Variants in R3HDM4 observed in about 807,000 individuals in gnomAD.
R3HDM4 encodes the protein R3H domain containing 4.
In R3HDM4, 30 loss-of-function variants were observed where a neutral mutation model predicts 31.3. That is an observed-to-expected ratio of 0.96 (90% CI 0.72 to 1.30). The LOEUF is 1.30. Ranked by LOEUF, R3HDM4 falls within the 50% of genes most tolerant of loss-of-function variation. The pLI is 0.00. For synonymous variants in R3HDM4, 196 were observed against 156.6 expected, an observed-to-expected ratio of 1.25 and a Z score of -1.88; for missense variants, 444 against 366.1, an observed-to-expected ratio of 1.21 and a Z score of -1.74.
chr19:909,086 T>C (rs1168060333), intron 1 of R3HDM4, among the ~76,000 whole-genome samples: 2 of 152,240 alleles, frequency 1.3e-5, no homozygotes, highest in African/African-American at 4.8e-5. Flanking sequence ...TGAGGCTTCC[T>C]GGACCCTGAA....
At chr19:908,410 C>G (rs1402751340) in intron 1 of R3HDM4, among the ~76,000 whole-genome samples, 1 of 151,762 alleles carries the variant, frequency 6.6e-6, no homozygotes, top group Non-Finnish European at 1.5e-5. Flanking sequence ...AGTTCGAGAC[C>G]AGCCTGGCCA....
intron 4 of R3HDM4, among the ~76,000 whole-genome samples, chr19:900,584 T>C (rs2036816292): frequency 9.3e-6 from 1 of 107,050 alleles, no homozygotes; most frequent in Admixed American, 9.8e-5. Flanking sequence ...ACACACTAGG[T>C]CCAACCCACT....
At position 907,779 on chromosome 19, in the gene R3HDM4, G is replaced by T. The variant is rs776528038; in HGVS notation, c.71+5308C>A. Among the ~76,000 whole-genome samples the T allele has an allele frequency of 6.6e-6, 1 of 152,114 alleles. No homozygotes were observed. The highest frequency in any genetic ancestry group is 1.5e-5 in the Non-Finnish European group (1 of 68,024). ...CCCCCTTGGCCTAGCACTGCAACAC[G>T]AGGGCTTTCGCCTGTTTTGTTTGGT... On this transcript the variant is annotated intron_variant, in intron 1 of 7. Transcript: ENST00000361574. The surrounding 1 kb of genome is among the most constrained non-coding windows in gnomAD (Gnocchi z 4.1).
intron 5 of R3HDM4, 59 bp downstream of exon 5, chr19:900,002 C>A: frequency 6.6e-7 from 1 of 1,518,568 alleles, no homozygotes; most frequent in Non-Finnish European, 9.1e-7. Flanking sequence ...GCCTGGGAAA[C>A]GGGCCTTCAA....
At position 901,137 on chromosome 19, in the gene R3HDM4, G is replaced by A. The variant is rs968534983; in HGVS notation, c.352-185C>T. On this transcript the variant is annotated intron_variant, in intron 3 of 7. Transcript: ENST00000361574. The stretch of plus-strand genomic sequence containing the variant: ...GCGCAGGGAAGCGGGGAACCGGGGT[G>A]GGCCCAGCTGTCTCGGGGTGGGGGG... 6 of 782,434 alleles carry A rather than the reference G, an allele frequency of 7.7e-6. No individual in the cohort carries two copies. The African/African-American group carries it at 1.1e-4, about 14-fold the overall frequency. The allele number at this position is 782,434 out of a possible 1,614,324, so 48.5% of individuals were successfully genotyped here. A position where few individuals can be genotyped will look rare whatever the true frequency, so the allele number is the denominator to read the frequency against.
chr19:899,364 C>T lies in R3HDM4; in HGVS notation c.703+76G>A. The T allele has an allele frequency of 1.4e-6, 2 of 1,477,664 alleles. No individual in the cohort carries two copies. The highest frequency in any genetic ancestry group is 1.7e-5 in the Admixed American group (1 of 59,370). 91.5% of individuals were successfully genotyped at this position (1,477,664 alleles called of 1,614,324 possible). ...CCCCACCAAGCCCCACTCTGAGGAA[C>T]CAGGCCCCTGGGACCCTGGCCACTT... is the stretch of plus-strand genomic sequence containing the variant. On this transcript the variant is annotated intron_variant, in intron 7 of 7. Coordinates refer to ENST00000361574, the MANE Select transcript of R3HDM4 (RefSeq NM_138774.4). The surrounding 1 kb of genome is among the most constrained non-coding windows in gnomAD (Gnocchi z 6.8).
At chr19:900,034 A>G (rs2145283669) in intron 5 of R3HDM4, 27 bp downstream of exon 5, 2 of 1,606,884 alleles carry the variant, frequency 1.2e-6, no homozygotes, top group Non-Finnish European at 1.7e-6. Context: ...CAGGTAGAAA[A>G]GGGAGGCCCG....
At chr19:901,720 G>T in intron 2 of R3HDM4, 174 bp from the exon 3 acceptor site, 1 of 949,100 alleles carries the variant, frequency 1.1e-6, no homozygotes, top group Non-Finnish European at 1.5e-6. Flanking sequence ...GTTCTGGATT[G>T]TCGAACTCCT....
In R3HDM4 at chr19:901,967, C is replaced by G. The variant is rs750809896; in HGVS notation, c.226+9G>C. 4.7e-5 allele frequency: 76 copies of G among 1,613,284 alleles called. No homozygotes were observed. The highest frequency in any genetic ancestry group is 5.4e-5 in the Non-Finnish European group (64 of 1,179,992). Reference sequence around the variant, plus strand: ...AGCCCCCAGGAGGCGCCTCCCGACCCCTGCTCACTGTTCTCCAGGCGCTGG... The same window carrying G: ...AGCCCCCAGGAGGCGCCTCCCGACCGCTGCTCACTGTTCTCCAGGCGCTGG... On this transcript the variant is annotated intron_variant, in intron 2 of 7. Coordinates refer to ENST00000361574, the MANE Select transcript of R3HDM4 (RefSeq NM_138774.4).
At position 900,834 on chromosome 19, in the gene R3HDM4, C is replaced by A; in HGVS notation, c.470G>T (p.Arg157Met). Residue 157 changes from arginine (R) to methionine (M), a missense_variant, in exon 4 of 8, where the codon AGG (arginine) becomes ATG (methionine). Arg to Met is a moderately conservative substitution (Grantham distance 91, BLOSUM62 -1). Transcript: ENST00000361574. Reference protein sequence around the residue: ...RRGPGRGEDRRREDPAYTPRE... With the variant: ...RRGPGRGEDRMREDPAYTPRE... ...CGCCCCAGCCAGGCCCGCACCTCTCCTCCGGTCCTCCCCACGGCCAGGGCC... is the reference window on the plus strand; with the variant it reads ...CGCCCCAGCCAGGCCCGCACCTCTCATCCGGTCCTCCCCACGGCCAGGGCC... The A allele has an allele frequency of 1.9e-6, 3 of 1,540,862 alleles. No homozygotes were observed. Among genetic ancestry groups the A allele is most frequent in the East Asian group, 2.5e-5 (1 of 40,328 alleles).
intron 1 of R3HDM4, among the ~76,000 whole-genome samples, chr19:911,595 G>T (rs921784590): frequency 6.6e-6 from 1 of 152,258 alleles, no homozygotes; most frequent in Non-Finnish European, 1.5e-5. Context: ...CCATTTTACA[G>T]AAGGGGAAAC....
chr19:903,240 A>AC lies in R3HDM4; in HGVS notation c.72-1111_72-1110insG, dbSNP rs1256008756. Among the ~76,000 whole-genome samples, 1,135 of 124,854 alleles carry AC rather than the reference A, an allele frequency of 9.1e-3. 8 individuals are homozygous for AC. Among genetic ancestry groups the AC allele is most frequent in the African/African-American group, 0.029 (1,012 of 34,802 alleles). 81.9% of individuals were successfully genotyped at this position (124,854 alleles called of 152,430 possible). A position where few individuals can be genotyped will look rare whatever the true frequency, so the allele number is the denominator to read the frequency against. ...AGGTGATGCCTCAGCCCCCCCCGCA[A>AC]ACCCCCCCCTTAATGTCCCCTGTCC... On this transcript the variant is annotated intron_variant, in intron 1 of 7. Coordinates refer to ENST00000361574, the MANE Select transcript of R3HDM4 (RefSeq NM_138774.4).
chr19:906,294 A>C (rs548517370), intron 1 of R3HDM4, among the ~76,000 whole-genome samples: 64 of 145,526 alleles, frequency 4.4e-4, no homozygotes, highest in African/African-American at 1.7e-3. Flanking sequence ...ATCTCAGCTC[A>C]CTGCAAGCTC....
At chr19:902,345 C>T (rs1599359025) in intron 1 of R3HDM4, 5 of 571,490 alleles carry the variant, frequency 8.7e-6, no homozygotes, top group African/African-American at 3.7e-5. Flanking sequence ...TGTGGTGGCT[C>T]ATGCCGGTGA....
At chr19:901,949 A>G (rs917018835) in intron 2 of R3HDM4, 27 bp downstream of exon 2, 3 of 1,611,808 alleles carry the variant, frequency 1.9e-6, no homozygotes, top group African/African-American at 2.7e-5. Context: ...AGGAGCCCCC[A>G]GGAGGCGCCT....
intron 1 of R3HDM4, among the ~76,000 whole-genome samples, chr19:908,655 C>A (rs2036934963): frequency 6.6e-6 from 1 of 152,042 alleles, no homozygotes; most frequent in Non-Finnish European, 1.5e-5. Context: ...CACGTCCAGC[C>A]ACAGGCCCCT....
intron 1 of R3HDM4, among the ~76,000 whole-genome samples, chr19:911,211 C>G (rs1168507664): frequency 6.6e-6 from 1 of 152,132 alleles, no homozygotes; most frequent in Non-Finnish European, 1.5e-5. Flanking sequence ...TTTGGGAGGC[C>G]GAGGCAAGCA....
In R3HDM4 at chr19:901,977, G is replaced by A; in HGVS notation, c.225C>T (p.Asn75=). The A allele has an allele frequency of 6.2e-7, 1 of 1,613,630 alleles. No individual in the cohort carries two copies. ...KGRKSLQRLE[N]TQYLLTLLET... ...AGGCGCCTCCCGACCCCTGCTCACTGTTCTCCAGGCGCTGGAGGCTCTTCC... is the reference window on the plus strand; with the variant it reads ...AGGCGCCTCCCGACCCCTGCTCACTATTCTCCAGGCGCTGGAGGCTCTTCC... Residue 75 remains asparagine, a splice_region_variant and synonymous_variant, in exon 2 of 8, where the codon AAC becomes AAT. Transcript: ENST00000361574.
At position 899,560 on chromosome 19, in the gene R3HDM4, G is replaced by A. The variant is rs375587767; in HGVS notation, c.647+41C>T. The A allele has an allele frequency of 3.1e-5, 50 of 1,611,892 alleles. No individual in the cohort carries two copies. Among genetic ancestry groups the A allele is most frequent in the African/African-American group, 4.0e-5 (3 of 74,894 alleles). Reference sequence around the variant, plus strand: ...GCGTGGGGTGTCCGCCCACCTGGCCGCAGCCTCGGAGGGTCCGCTCGCCTG... The same window carrying A: ...GCGTGGGGTGTCCGCCCACCTGGCCACAGCCTCGGAGGGTCCGCTCGCCTG... On this transcript the variant is annotated intron_variant, in intron 6 of 7. Transcript: ENST00000361574. The surrounding 1 kb of genome is among the most constrained non-coding windows in gnomAD (Gnocchi z 6.8).
Sources: gnomAD v4.1 joint callset for allele counts (sites outside exome capture counted in the v4.1 genomes callset) on GRCh38, gnomAD v4.1.1 for gene constraint, Gnocchi (gnomAD v3.1) non-coding constraint, MANE v1.5 for transcripts, NCBI Gene and HGNC (gene_info 2026-07-23, HGNC 2026-07-21) for gene names.